CACNA1C: variants seen among roughly 807,000 people sequenced by gnomAD.
CACNA1C encodes the protein calcium voltage-gated channel subunit alpha1 C.
CACNA1C carries 30 observed loss-of-function variants against 229.0 expected under a neutral mutation model. That is an observed-to-expected ratio of 0.13 (90% confidence interval 0.10 to 0.18). CACNA1C has a LOEUF of 0.18. Among genes scored for constraint, CACNA1C ranks in the 10% least tolerant of loss-of-function variants. The probability of loss-of-function intolerance (pLI) is 1.00; values close to 1 mark genes in which losing one functional copy is unlikely to be tolerated. For missense variants in CACNA1C, 1,658 were observed against 2,845.0 expected (o/e 0.58, Z 9.49); for synonymous variants, 1,114 against 1,132.5 (o/e 0.98, Z 0.33).
Position 2,459,977 on chromosome 12 carries a change from A to G in CACNA1C, c.757+2271A>G, listed in dbSNP as rs981603213. 3.3e-5 allele frequency among the ~76,000 whole-genome samples: 5 copies of G among 152,362 alleles called. No homozygotes were observed. The South Asian group carries it at 1.0e-3, about 32-fold the overall frequency. On this transcript the variant is annotated intron_variant, in intron 5 of 46. Coordinates refer to ENST00000399655, the MANE Select transcript of CACNA1C (RefSeq NM_000719.7). ...TATAACAGTCAGCTTTTGCTGTGGAAATAAACCATCTCAAACTCTGCATGG... is the reference window on the plus strand; with the variant it reads ...TATAACAGTCAGCTTTTGCTGTGGAGATAAACCATCTCAAACTCTGCATGG...
chr12:1,971,093 C>T lies in CACNA1C; in HGVS notation c.31C>T (p.Pro11Ser). ...TCGAGCCTTTGTTCAGCCTGGTACGCCTGCATACCAGCCGCTTCCCAGCCA... is the reference window on the plus strand; with the variant it reads ...TCGAGCCTTTGTTCAGCCTGGTACGTCTGCATACCAGCCGCTTCCCAGCCA... Residue 11 changes from proline to serine, a missense_variant, in exon 1 of 47, where the codon CCT (proline) becomes TCT (serine). Pro to Ser is a moderately conservative substitution (Grantham distance 74, BLOSUM62 -1). Transcript: ENST00000682462. This position sits in a 1 kb window ranked among gnomAD's most constrained non-coding sequence, Gnocchi z 4.2. The T allele has an allele frequency of 2.3e-6, 3 of 1,289,514 alleles. No homozygotes were observed. The highest frequency in any genetic ancestry group is 3.0e-6 in the Non-Finnish European group (3 of 988,628). 79.9% of individuals were successfully genotyped at this position (1,289,514 alleles called of 1,614,324 possible).
rs545352435 is a variant in CACNA1C, at chr12:2,394,761, C to T, written c.478-54215C>T. ...TATCCAGGGCTATCAGGATCAGGAG[C>T]TAGAGCCCACGTTTGGAGAAAACAC... On this transcript the variant is annotated intron_variant, in intron 3 of 46. Coordinates refer to ENST00000399655, the MANE Select transcript of CACNA1C (RefSeq NM_000719.7). 4.9e-4 allele frequency among the ~76,000 whole-genome samples: 74 copies of T among 152,262 alleles called. 1 individual carries two copies. The highest frequency in any genetic ancestry group is 5.4e-4 in the Non-Finnish European group (37 of 68,026).
At chr12:2,011,377 G>T (rs1397783029) in intron 1 of CACNA1C, 1 of 152,158 alleles carries the variant, frequency 6.6e-6, no homozygotes, top group Admixed American at 6.5e-5. Context: ...AGTGTTGAGG[G>T]TGGTCACCAG....
chr12:2,457,803 T>G, intron 5 of CACNA1C, 97 bp downstream of exon 5: 1 of 1,095,316 alleles, frequency 9.1e-7, no homozygotes, highest in Non-Finnish European at 1.2e-6. Flanking sequence ...GGGACCTGAT[T>G]CCATATAAAT....
At chr12:2,438,170 G>A (rs1596274702) in intron 3 of CACNA1C, among the ~76,000 whole-genome samples, 1 of 28,136 alleles carries the variant, frequency 3.6e-5, no homozygotes, top group East Asian at 1.8e-3. Context: ...TAGTGGTGGT[G>A]GTGGTGGGGA....
chr12:2,691,228 T>TA lies in CACNA1C; in HGVS notation c.*30dup. 1.3e-6 allele frequency: 2 copies of TA among 1,513,214 alleles called. No homozygotes were observed. Among genetic ancestry groups the TA allele is most frequent in the Non-Finnish European group, 1.8e-6 (2 of 1,133,020 alleles). 93.7% of individuals were successfully genotyped at this position (1,513,214 alleles called of 1,614,324 possible). A position where few individuals can be genotyped will look rare whatever the true frequency, so the allele number is the denominator to read the frequency against. On this transcript the variant is annotated 3_prime_UTR_variant, in exon 47 of 47. Coordinates refer to ENST00000399655, the MANE Select transcript of CACNA1C (RefSeq NM_000719.7). ...GCGCTGCCAGATGCGGGCTTTTTTT[T>TA]ATTTGTTTCAATGTTCCTAATGGGT... is the stretch of plus-strand genomic sequence containing the variant.
Position 2,685,800 on chromosome 12 carries a change from C to A in CACNA1C, c.5638C>A (p.Arg1880=). The change falls in exon 44 of 47, where the codon CGG becomes AGG. Residue 1880 remains arginine (R), a synonymous_variant. Coordinates refer to ENST00000399655, the MANE Select transcript of CACNA1C (RefSeq NM_000719.7). ...TLPEEDKRDI[R]QSPKRGFLRS... ...CCCAGAGGAGGACAAGAGGGACATC[C>A]GGCAATCTCCGAAGAGGGGTTTCCT... The A allele has an allele frequency of 1.2e-6, 2 of 1,613,610 alleles. No individual in the cohort carries two copies. The highest frequency in any genetic ancestry group is 1.7e-6 in the Non-Finnish European group (2 of 1,179,596).
intron 1 of CACNA1C, among the ~76,000 whole-genome samples, chr12:2,071,160 C>T (rs1166887368): frequency 3.1e-5 from 2 of 64,998 alleles, no homozygotes; most frequent in African/African-American, 1.3e-4. Flanking sequence ...CTCCCTCCCT[C>T]CCTCCCTCCC....
intron 3 of CACNA1C, among the ~76,000 whole-genome samples, chr12:2,352,861 G>C (rs944512223): frequency 6.6e-6 from 1 of 152,192 alleles, no homozygotes; most frequent in African/African-American, 2.4e-5. Context: ...TTGCCAATCT[G>C]TAAGACTGGA....
chr12:2,056,951 C>T (rs981536742), intron 1 of CACNA1C, among the ~76,000 whole-genome samples: 1 of 152,054 alleles, frequency 6.6e-6, no homozygotes, highest in African/African-American at 2.4e-5. Context: ...AGGCTAATGC[C>T]CTTCAGGGAC....
At chr12:2,052,741 A>C (rs1206012946), upstream of CACNA1C, among the ~76,000 whole-genome samples, 1 of 144,706 alleles carries the variant, frequency 6.9e-6, no homozygotes, top group Non-Finnish European at 1.5e-5. Flanking sequence ...ATGCGGGCGG[A>C]GGGCTCGCTC....
intron 5 of CACNA1C, among the ~76,000 whole-genome samples, chr12:2,469,096 CTA>C (rs1471599873): frequency 2.0e-5 from 3 of 152,190 alleles, no homozygotes; most frequent in African/African-American, 7.2e-5. Context: ...CCCCAGTAGA[CTA>C]TGTGGTGTAT....
At position 2,665,433 on chromosome 12, in the gene CACNA1C, G is replaced by A. The variant is rs2096034039; in HGVS notation, c.4399-148G>A. 1.2e-6 allele frequency: 1 copy of A among 823,052 alleles called. No homozygotes were observed. Among genetic ancestry groups the A allele is most frequent in the East Asian group, 2.6e-5 (1 of 38,246 alleles). 51.0% of individuals were successfully genotyped at this position (823,052 alleles called of 1,614,324 possible). ...AACTGTGTCAAGTTTATGTCCAAGA[G>A]ACCCAGGTTCTCAGGCTGGTAGGAT... On this transcript the variant is annotated intron_variant, in intron 35 of 46. Coordinates refer to ENST00000399655, the MANE Select transcript of CACNA1C (RefSeq NM_000719.7). This position sits in a 1 kb window ranked among gnomAD's most constrained non-coding sequence, Gnocchi z 5.9.
intron 3 of CACNA1C, among the ~76,000 whole-genome samples, chr12:2,429,232 T>G (rs1348942476): frequency 6.6e-6 from 1 of 152,152 alleles, no homozygotes; most frequent in African/African-American, 2.4e-5. Flanking sequence ...TGACCTCATC[T>G]TAACTAATTA....
intron 3 of CACNA1C, among the ~76,000 whole-genome samples, chr12:2,438,327 G>GGATGGTGATGATAATGAT (rs1226732033): frequency 1.2e-4 from 9 of 74,064 alleles, no homozygotes; most frequent in East Asian, 6.3e-4. Flanking sequence ...GTGATGGTGG[G>GGATGGTGATGATAATGAT]GATGGTGATG....
Position 2,053,276 on chromosome 12 carries a change from G to T in CACNA1C, c.-287G>T. On this transcript the variant is annotated 5_prime_UTR_variant, in exon 1 of 47. Transcript: ENST00000399655. This position sits in a 1 kb window ranked among gnomAD's most constrained non-coding sequence, Gnocchi z 5.8. ...TATTTTTTCAAATGGTGTAGCCGCC[G>T]GAGGTGCGGTGCTCAGTTCTTGGAA... The T allele has an allele frequency of 8.9e-7, 1 of 1,126,378 alleles. No homozygotes were observed. Among genetic ancestry groups the T allele is most frequent in the Non-Finnish European group, 1.1e-6 (1 of 920,694 alleles). 69.8% of individuals were successfully genotyped at this position (1,126,378 alleles called of 1,614,324 possible). A position where few individuals can be genotyped will look rare whatever the true frequency, so the allele number is the denominator to read the frequency against.
intron 5 of CACNA1C, among the ~76,000 whole-genome samples, chr12:2,483,617 A>G (rs1302766670): frequency 6.6e-6 from 1 of 152,222 alleles, no homozygotes; most frequent in African/African-American, 2.4e-5. Flanking sequence ...ATGTCTAAAG[A>G]TACTTTTAAA....
intron 3 of CACNA1C, among the ~76,000 whole-genome samples, chr12:2,249,965 C>A (rs954860988): frequency 6.6e-6 from 1 of 152,102 alleles, no homozygotes; most frequent in African/African-American, 2.4e-5. Context: ...CCCGCCACCA[C>A]GCCTGGCTAA....
At chr12:2,141,628 C>G (rs528145739) in intron 3 of CACNA1C, among the ~76,000 whole-genome samples, 3 of 151,390 alleles carry the variant, frequency 2.0e-5, no homozygotes, top group Non-Finnish European at 4.4e-5. Context: ...AGCTCCGTAA[C>G]GAGCACTCAG....
Sources: allele counts gnomAD v4.1 joint callset (sites outside exome capture counted in the v4.1 genomes callset), GRCh38; gene constraint gnomAD v4.1.1; non-coding constraint Gnocchi (gnomAD v3.1); transcripts MANE v1.5; gene names NCBI Gene and HGNC (gene_info 2026-07-23, HGNC 2026-07-21).